The following ST3GAL4 variants were observed in gnomAD, a reference collection of about 807,000 sequenced individuals.
The protein encoded by ST3GAL4 is ST3 beta-galactoside alpha-2,3-sialyltransferase 4, also known as CMP-N-acetylneuraminate-beta-galactosamide-alpha-2,3-sialyltransferase 4.
A neutral mutation model predicts 42.6 loss-of-function variants in ST3GAL4; 24 were observed. That is an observed-to-expected ratio of 0.56 (90% CI 0.41 to 0.79). ST3GAL4 has a LOEUF of 0.79. ST3GAL4 is among the 30% of genes least tolerant of loss of function. The pLI is 0.00. For synonymous variants in ST3GAL4, 135 were observed against 163.2 expected (o/e 0.83, Z 1.32); for missense variants, 311 against 430.8 (o/e 0.72, Z 2.46).
At position 126,398,667 on chromosome 11, in the gene ST3GAL4, A is replaced by G. The variant is rs949216978; in HGVS notation, c.-60-7429A>G. On this transcript the variant is annotated intron_variant, in intron 1 of 10. Transcript: ENST00000444328. The surrounding 1 kb of genome is among the most constrained non-coding windows in gnomAD (Gnocchi z 4.7). ...CCCTGGTGGTGGCTCTGACCCTGCA[A>G]CCAGTCTCTGCCTGGGTCCCGAGTC... 6.6e-5 allele frequency among the ~76,000 whole-genome samples: 10 copies of G among 152,208 alleles called. No individual in the cohort carries two copies. Among genetic ancestry groups the G allele is most frequent in the African/African-American group, 1.9e-4 (8 of 41,454 alleles).
rs1311713264 is a variant in ST3GAL4, at chr11:126,397,065, T to A, written c.-60-9031T>A. Reference sequence around the variant, plus strand: ...ACAGACCCCGCAACAGTGAACTCTCTGGCCCCTCCAAGTCAGTGGTGCAGA... The same window carrying A: ...ACAGACCCCGCAACAGTGAACTCTCAGGCCCCTCCAAGTCAGTGGTGCAGA... On this transcript the variant is annotated intron_variant, in intron 1 of 10. Coordinates refer to ENST00000444328, the MANE Select transcript of ST3GAL4 (RefSeq NM_001254757.2). The surrounding 1 kb of genome is among the most constrained non-coding windows in gnomAD (Gnocchi z 5.0). 6.6e-6 allele frequency among the ~76,000 whole-genome samples: 1 copy of A among 152,120 alleles called. No homozygotes were observed. Among genetic ancestry groups the A allele is most frequent in the African/African-American group, 2.4e-5 (1 of 41,364 alleles).
chr11:126,413,316 TA>T, intron 9 of ST3GAL4, 188 bp from the exon 10 acceptor site: 1 of 554,722 alleles, frequency 1.8e-6, no homozygotes, highest in Non-Finnish European at 3.0e-6. Context: ...TAAAATTTAA[TA>T]AAATAAATTC....
At chr11:126,407,479 A>G (rs374898861) in intron 5 of ST3GAL4, 95 bp from the exon 6 acceptor site, 15 of 1,571,440 alleles carry the variant, frequency 9.5e-6, no homozygotes, top group African/African-American at 5.4e-5. Flanking sequence ...GGGAAGAAGA[A>G]GGCAGCCAGC....
intron 1 of ST3GAL4, chr11:126,403,512 T>G (rs1053243004): frequency 1.1e-6 from 1 of 922,092 alleles, no homozygotes. Context: ...GTTTTACTAT[T>G]CCCTATTCAT....
rs1392757831 is a variant in ST3GAL4 at position 126,411,877 on chromosome 11, G to A, written c.772-1628G>A. 1.3e-5 allele frequency among the ~76,000 whole-genome samples: 2 copies of A among 152,174 alleles called. No homozygotes were observed. The highest frequency in any genetic ancestry group is 4.8e-5 in the African/African-American group (2 of 41,520). On this transcript the variant is annotated intron_variant, in intron 9 of 10. Transcript: ENST00000444328. The surrounding 1 kb of genome is among the most constrained non-coding windows in gnomAD (Gnocchi z 6.3). ...CGGATTTAAAGGTTCAGGTAATTAG[G>A]TCAAGCTCAGCAGGACAGCCTCTCC...
chr11:126,403,364 C>T (rs531582666), intron 1 of ST3GAL4: 93 of 985,406 alleles, frequency 9.4e-5, no homozygotes, highest in Middle Eastern at 5.2e-4. Flanking sequence ...TCACCTCTGA[C>T]GCCAAAGGTT....
chr11:126,361,255 G>T (rs1952231607), intron 1 of ST3GAL4, among the ~76,000 whole-genome samples: 2 of 152,138 alleles, frequency 1.3e-5, no homozygotes, highest in Non-Finnish European at 2.9e-5. Context: ...AGAGCGAGGG[G>T]TTCACCCACA....
intron 1 of ST3GAL4, among the ~76,000 whole-genome samples, chr11:126,382,864 A>C (rs1229093310): frequency 1.3e-5 from 2 of 152,224 alleles, no homozygotes; most frequent in African/African-American, 2.4e-5. Flanking sequence ...GATGACCCTG[A>C]AATTGCTAAA....
In ST3GAL4 at chr11:126,398,782, A is replaced by C. The variant is rs901361571; in HGVS notation, c.-60-7314A>C. On this transcript the variant is annotated intron_variant, in intron 1 of 10. Coordinates refer to ENST00000444328, the MANE Select transcript of ST3GAL4 (RefSeq NM_001254757.2). This position sits in a 1 kb window ranked among gnomAD's most constrained non-coding sequence, Gnocchi z 4.7. ...TCTGGTGGCATTAGGACCATGTGGG[A>C]TGCCACCAAGACTCACCACTTGCAC... Among the ~76,000 whole-genome samples the C allele has an allele frequency of 6.6e-6, 1 of 152,178 alleles. No individual in the cohort carries two copies. The highest frequency in any genetic ancestry group is 1.5e-5 in the Non-Finnish European group (1 of 68,030).
intron 1 of ST3GAL4, among the ~76,000 whole-genome samples, chr11:126,401,011 A>G (rs982042943): frequency 1.3e-5 from 2 of 151,692 alleles, no homozygotes; most frequent in Non-Finnish European, 2.9e-5. Flanking sequence ...GTGTTGGGAG[A>G]CTGGGTTGAT....
At chr11:126,401,178 A>C (rs1219095585) in intron 1 of ST3GAL4, among the ~76,000 whole-genome samples, 1 of 152,134 alleles carries the variant, frequency 6.6e-6, no homozygotes, top group Admixed American at 6.5e-5. Flanking sequence ...TCAGTGTATG[A>C]ATAGTAGTTA....
intron 1 of ST3GAL4, among the ~76,000 whole-genome samples, chr11:126,375,608 G>A (rs1284643765): frequency 6.6e-6 from 1 of 152,132 alleles, no homozygotes; most frequent in African/African-American, 2.4e-5. Context: ...TAATTATCGT[G>A]TTGAACTCAC....
intron 1 of ST3GAL4, among the ~76,000 whole-genome samples, chr11:126,399,296 TC>T (rs1953907451): frequency 1.0e-5 from 1 of 99,188 alleles, no homozygotes; most frequent in Admixed American, 1.4e-4. Flanking sequence ...TTTCTTTCTT[TC>T]CTTCTTTTTT....
chr11:126,355,853 G>A lies in ST3GAL4; in HGVS notation c.-61+11G>A, dbSNP rs1434532416. On this transcript the variant is annotated intron_variant, in intron 1 of 10. Coordinates refer to ENST00000444328, the MANE Select transcript of ST3GAL4 (RefSeq NM_001254757.2). The surrounding 1 kb of genome is among the most constrained non-coding windows in gnomAD (Gnocchi z 7.1). ...GCTCCACCCGTGAGGGTGAGTACGC[G>A]GCGGCGGTGCGCGGGGGCCCGCGGG... 2 of 149,452 alleles carry A rather than the reference G, an allele frequency of 1.3e-5. No homozygotes were observed. The highest frequency in any genetic ancestry group is 3.0e-5 in the Non-Finnish European group (2 of 66,996). 9.3% of individuals were successfully genotyped at this position (149,452 alleles called of 1,614,324 possible).
At chr11:126,368,406 C>T (rs1475219849) in intron 1 of ST3GAL4, among the ~76,000 whole-genome samples, 1 of 152,242 alleles carries the variant, frequency 6.6e-6, no homozygotes, top group Non-Finnish European at 1.5e-5. Context: ...GGCCCTCAGG[C>T]CCTGTGGCTC....
chr11:126,370,833 C>T (rs12798316), intron 1 of ST3GAL4, among the ~76,000 whole-genome samples: 1,961 of 152,140 alleles, frequency 0.013, 35 homozygotes, highest in Admixed American at 0.027. Context: ...TGTGCCACCA[C>T]GCTCGGCTAA....
chr11:126,375,672 TG>T (rs1165524404), intron 1 of ST3GAL4, among the ~76,000 whole-genome samples: 1 of 152,190 alleles, frequency 6.6e-6, no homozygotes, highest in East Asian at 1.9e-4. Context: ...TCTAGCACAG[TG>T]GTCCTCAGCA....
intron 1 of ST3GAL4, among the ~76,000 whole-genome samples, chr11:126,357,244 TG>T (rs1179164749): frequency 6.6e-6 from 1 of 152,016 alleles, no homozygotes; most frequent in Non-Finnish European, 1.5e-5. Flanking sequence ...TTGCGCTGGG[TG>T]GGTGATCCTA....
Position 126,414,030 on chromosome 11 carries a change from A to T in ST3GAL4, c.985A>T (p.Asn329Tyr). The change falls in exon 11 of 11, where the codon AAC becomes TAC. Residue 329 changes from asparagine to tyrosine, a missense_variant. Physicochemically the swap from Asn to Tyr is moderately radical, Grantham distance 143 (BLOSUM62 -2). Transcript: ENST00000444328. ...GATGCTGGAGATGGGAGCTATCAAG[A>T]ACCTCACGTCCTTCTGACCTGGGCA... ...KRMLEMGAIK[N>Y]LTSF 1 of 1,614,244 alleles carries T rather than the reference A, an allele frequency of 6.2e-7. No individual in the cohort carries two copies. The highest frequency in any genetic ancestry group is 8.5e-7 in the Non-Finnish European group (1 of 1,180,040).
Sources: gnomAD v4.1 joint callset for allele counts (sites outside exome capture counted in the v4.1 genomes callset) on GRCh38, gnomAD v4.1.1 for gene constraint, Gnocchi (gnomAD v3.1) non-coding constraint, MANE v1.5 for transcripts, NCBI Gene and HGNC (gene_info 2026-07-23, HGNC 2026-07-21) for gene names.